The following FAAH variants were observed in gnomAD, a reference collection of about 807,000 sequenced individuals.
FAAH encodes the protein fatty-acid amide hydrolase 1.
Under a neutral mutation model 69.7 loss-of-function variants are expected in FAAH, and 63 were observed. The observed-to-expected ratio is 0.90, with a 90% CI of 0.74 to 1.12. The LOEUF is 1.12. Ranked by LOEUF, FAAH falls within the 50% of genes most tolerant of loss-of-function variation. The pLI, the probability that FAAH is intolerant of heterozygous loss-of-function variation, is 0.00. For synonymous variants in FAAH, 305 were observed against 324.2 expected (o/e 0.94, Z 0.64); for missense variants, 680 against 755.0 (o/e 0.90, Z 1.16).
chr1:46,412,300 C>T (rs1400052923), intron 13 of FAAH, 49 bp downstream of exon 13: 1 of 1,454,250 alleles, frequency 6.9e-7, no homozygotes, highest in East Asian at 2.5e-5. Context: ...GGCCATGTGC[C>T]CTGCAGGGCT....
rs535612033 is a variant in FAAH at position 46,410,647 on chromosome 1, T to C, written c.1275+150T>C. On this transcript the variant is annotated intron_variant, in intron 10 of 14. Transcript: ENST00000243167. This position sits in a 1 kb window ranked among gnomAD's most constrained non-coding sequence, Gnocchi z 4.9. ...CCAGTCCCCACCCAGACTGCTCTCC[T>C]CCTCTGTCCCCTGCGATCTTCAGCC... The C allele has an allele frequency of 1.8e-6, 2 of 1,094,206 alleles. No homozygotes were observed. The highest frequency in any genetic ancestry group is 2.5e-5 in the South Asian group (2 of 79,618). The allele number at this position is 1,094,206 out of a possible 1,614,324, so 67.8% of individuals were successfully genotyped here. A position where few individuals can be genotyped will look rare whatever the true frequency, so the allele number is the denominator to read the frequency against.
In FAAH at chr1:46,406,308, G is replaced by A; in HGVS notation, c.891G>A (p.Leu297=). Residue 297 remains leucine (L), a synonymous_variant, in exon 7 of 15, where the codon CTG becomes CTA. Coordinates refer to ENST00000243167, the MANE Select transcript of FAAH (RefSeq NM_001441.3). ...VESLALCLRA[L]LCEDMFRLDP... ...GCCTGGCACTGTGCCTGCGAGCCCT[G>A]CTGTGTGAGGACATGTTCCGCTTGG... 1 of 1,613,890 alleles carries A rather than the reference G, an allele frequency of 6.2e-7. No individual in the cohort carries two copies. Among genetic ancestry groups the A allele is most frequent in the Admixed American group, 1.7e-5 (1 of 60,016 alleles).
chr1:46,403,830 G>A (rs1664745674), intron 2 of FAAH, among the ~76,000 whole-genome samples: 2 of 152,200 alleles, frequency 1.3e-5, no homozygotes, highest in South Asian at 2.1e-4. Context: ...CTTTCCCATG[G>A]GGGGTCTTTG....
Position 46,413,724 on chromosome 1 carries a change from A to C in FAAH, c.*149A>C. 1 of 1,141,238 alleles carries C rather than the reference A, an allele frequency of 8.8e-7. No homozygotes were observed. Among genetic ancestry groups the C allele is most frequent in the Non-Finnish European group, 1.3e-6 (1 of 790,542 alleles). 70.7% of individuals were successfully genotyped at this position (1,141,238 alleles called of 1,614,324 possible). On this transcript the variant is annotated 3_prime_UTR_variant, in exon 15 of 15. Transcript: ENST00000243167. ...CCCCAACCCCCTGCAAGAAGCGCCG[A>C]CTCCCTGAGTCTGGACCTCCATCCC...
rs775523518 is a variant in FAAH at position 46,409,122 on chromosome 1, A to G, written c.1099A>G (p.Asn367Asp). The G allele has an allele frequency of 3.7e-6, 6 of 1,613,940 alleles. No homozygotes were observed. The highest frequency in any genetic ancestry group is 5.1e-6 in the Non-Finnish European group (6 of 1,179,940). The part of the protein sequence containing the change: ...GHTLVPFLPS[N>D]IPHALETLST... Reference sequence around the variant, plus strand: ...GCAGCTGGTTCCCTTCTTGCCAAGCAACATACCCCATGCTCTGGAGACCCT... The same window carrying G: ...GCAGCTGGTTCCCTTCTTGCCAAGCGACATACCCCATGCTCTGGAGACCCT... Residue 367 changes from asparagine (N) to aspartate (D), a missense_variant, in exon 9 of 15, where the codon AAC (asparagine) becomes GAC (aspartate). Physicochemically the swap from Asn to Asp is conservative, Grantham distance 23. Transcript: ENST00000243167.
At chr1:46,403,868 G>A (rs1037811821) in intron 2 of FAAH, among the ~76,000 whole-genome samples, 3 of 152,194 alleles carry the variant, frequency 2.0e-5, no homozygotes, top group Admixed American at 6.5e-5. Flanking sequence ...ATTTGTCTTT[G>A]AACCTTAGTG....
chr1:46,412,557 C>A (rs904998805), intron 13 of FAAH, among the ~76,000 whole-genome samples: 2 of 152,148 alleles, frequency 1.3e-5, no homozygotes, highest in African/African-American at 4.8e-5. Flanking sequence ...CACCTATAAT[C>A]CGAGCACTTT....
intron 8 of FAAH, 122 bp downstream of exon 8, chr1:46,408,706 C>A: frequency 6.8e-7 from 1 of 1,465,354 alleles, no homozygotes; most frequent in Non-Finnish European, 9.5e-7. Context: ...TCGGGGTGAA[C>A]TGTGACCCTG....
At position 46,410,439 on chromosome 1, in the gene FAAH, C is replaced by T; in HGVS notation, c.1217C>T (p.Ser406Leu). 1 of 1,614,094 alleles carries T rather than the reference C, an allele frequency of 6.2e-7. No homozygotes were observed. Reference sequence around the variant, plus strand: ...GACCCCTGCCTGGGGGACCTGGTCTCAATTCTGAAGCTTCCCCAATGGCTT... The same window carrying T: ...GACCCCTGCCTGGGGGACCTGGTCTTAATTCTGAAGCTTCCCCAATGGCTT... ...FVDPCLGDLV[S>L]ILKLPQWLKG... is the part of the protein sequence containing the mutation. Residue 406 changes from serine (S) to leucine (L), a missense_variant, in exon 10 of 15, where the codon TCA (serine) becomes TTA (leucine). By Grantham distance (145) the Ser-to-Leu change is moderately radical. Coordinates refer to ENST00000243167, the MANE Select transcript of FAAH (RefSeq NM_001441.3). This position sits in a 1 kb window ranked among gnomAD's most constrained non-coding sequence, Gnocchi z 4.9.
At chr1:46,400,128 CA>C (rs1305594531) in intron 1 of FAAH, among the ~76,000 whole-genome samples, 4 of 140,906 alleles carry the variant, frequency 2.8e-5, no homozygotes, top group African/African-American at 8.0e-5. Context: ...CTGAGGACAT[CA>C]GGGGGCAGAG....
rs1380252374 is a variant in FAAH, at chr1:46,411,686, T to TG, written c.1356+41dup. 3 of 1,541,460 alleles carry TG rather than the reference T, an allele frequency of 1.9e-6. No individual in the cohort carries two copies. The highest frequency in any genetic ancestry group is 4.6e-5 in the East Asian group (2 of 43,774). ...GAGCCTCTGGATTGGAGCAGGGTGGTGGGGGGAGGGTGGAGTTGGACAGGG... is the reference window on the plus strand; with the variant it reads ...GAGCCTCTGGATTGGAGCAGGGTGGTGGGGGGGAGGGTGGAGTTGGACAGGG... On this transcript the variant is annotated intron_variant, in intron 12 of 14. Transcript: ENST00000243167. The surrounding 1 kb of genome is among the most constrained non-coding windows in gnomAD (Gnocchi z 4.8).
At position 46,410,560 on chromosome 1, in the gene FAAH, A is replaced by G; in HGVS notation, c.1275+63A>G. The G allele has an allele frequency of 6.9e-7, 1 of 1,439,960 alleles. No homozygotes were observed. Among genetic ancestry groups the G allele is most frequent in the Non-Finnish European group, 9.8e-7 (1 of 1,025,128 alleles). The allele number at this position is 1,439,960 out of a possible 1,614,324, so 89.2% of individuals were successfully genotyped here. A position where few individuals can be genotyped will look rare whatever the true frequency, so the allele number is the denominator to read the frequency against. ...GGGGGAACCTAGGGCCTCCTATCGCATGATCCCCCATGGCCTCCCTCAGCC... is the reference window on the plus strand; with the variant it reads ...GGGGGAACCTAGGGCCTCCTATCGCGTGATCCCCCATGGCCTCCCTCAGCC... On this transcript the variant is annotated intron_variant, in intron 10 of 14. Coordinates refer to ENST00000243167, the MANE Select transcript of FAAH (RefSeq NM_001441.3). This position sits in a 1 kb window ranked among gnomAD's most constrained non-coding sequence, Gnocchi z 4.9.
rs1017122996 is a variant in FAAH, at chr1:46,413,771, T to C, written c.*196T>C. On this transcript the variant is annotated 3_prime_UTR_variant, in exon 15 of 15. Coordinates refer to ENST00000243167, the MANE Select transcript of FAAH (RefSeq NM_001441.3). ...TCCCTGCTCTGGTCCCCTCTCTTCG[T>C]CCTGATCCCTCCACCCCCATGTGGC... The C allele has an allele frequency of 2.8e-6, 2 of 708,330 alleles. No homozygotes were observed. Among genetic ancestry groups the C allele is most frequent in the Admixed American group, 4.5e-5 (2 of 44,226 alleles). The allele number at this position is 708,330 out of a possible 1,614,324, so 43.9% of individuals were successfully genotyped here. A position where few individuals can be genotyped will look rare whatever the true frequency, so the allele number is the denominator to read the frequency against.
intron 13 of FAAH, among the ~76,000 whole-genome samples, chr1:46,412,834 AG>A (rs1664940848): frequency 6.6e-6 from 1 of 152,180 alleles, no homozygotes; most frequent in African/African-American, 2.4e-5. Flanking sequence ...AAAAGAAAAC[AG>A]GAACAGCATT....
chr1:46,402,908 G>T (rs1231622155), intron 2 of FAAH, among the ~76,000 whole-genome samples: 3 of 152,108 alleles, frequency 2.0e-5, no homozygotes, highest in Non-Finnish European at 2.9e-5. Flanking sequence ...GGTCAGGCTG[G>T]TCTGGAACTC....
chr1:46,405,630 A>G lies in FAAH; in HGVS notation c.621A>G (p.Pro207=). 7 of 1,613,510 alleles carry G rather than the reference A, an allele frequency of 4.3e-6. No individual in the cohort carries two copies. The highest frequency in any genetic ancestry group is 5.9e-6 in the Non-Finnish European group (7 of 1,180,030). The change falls in exon 5 of 15, where the codon CCA becomes CCG. Residue 207 remains proline, a synonymous_variant. Transcript: ENST00000243167. The surrounding 1 kb of genome is among the most constrained non-coding windows in gnomAD (Gnocchi z 4.1). The part of the protein sequence containing the change: ...SNPLFGQTVN[P]WKSSKSPGGS... ...CCCTCTTTGGCCAGACCGTGAACCC[A>G]TGGAAGTCCTCCAAAAGCCCAGGGG...
chr1:46,394,894 T>C (rs368878889), intron 1 of FAAH, among the ~76,000 whole-genome samples: 147 of 152,120 alleles, frequency 9.7e-4, no homozygotes, highest in African/African-American at 3.1e-3. Flanking sequence ...AATCGCAGAG[T>C]GTAATGGCCA....
chr1:46,408,395 C>T, intron 7 of FAAH, 64 bp from the exon 8 acceptor site: 4 of 1,611,704 alleles, frequency 2.5e-6, no homozygotes, highest in Non-Finnish European at 3.4e-6. Context: ...TCTCTGATCT[C>T]TAGGGGTCCT....
rs1262996305 is a variant in FAAH at position 46,410,692 on chromosome 1, G to T, written c.1276-122G>T. On this transcript the variant is annotated intron_variant, in intron 10 of 14. Coordinates refer to ENST00000243167, the MANE Select transcript of FAAH (RefSeq NM_001441.3). This position sits in a 1 kb window ranked among gnomAD's most constrained non-coding sequence, Gnocchi z 4.9. ...TCAGCCAACCCGCATGCTGAAAGGG[G>T]TGCCGACCTGGGCCCTGGGGGGAGG... is the stretch of plus-strand genomic sequence containing the variant. 2.9e-5 allele frequency: 37 copies of T among 1,296,660 alleles called. No homozygotes were observed. In the South Asian group the frequency reaches 3.8e-4, roughly 13 times the overall value. The allele number at this position is 1,296,660 out of a possible 1,614,324, so 80.3% of individuals were successfully genotyped here. A position where few individuals can be genotyped will look rare whatever the true frequency, so the allele number is the denominator to read the frequency against.
Sources: gnomAD v4.1 joint callset for allele counts (sites outside exome capture counted in the v4.1 genomes callset) on GRCh38, gnomAD v4.1.1 for gene constraint, Gnocchi (gnomAD v3.1) non-coding constraint, MANE v1.5 for transcripts, NCBI Gene and HGNC (gene_info 2026-07-23, HGNC 2026-07-21) for gene names.